Variants in IL16 observed in about 807,000 individuals in gnomAD.
IL16 encodes pro-interleukin-16.
IL16 carries 67 observed loss-of-function variants against 110.1 expected under a neutral mutation model. That is an observed-to-expected ratio of 0.61 (90% CI 0.50 to 0.75). The LOEUF (loss-of-function observed/expected upper bound fraction) is 0.75, where lower values mean the gene tolerates loss of function less well. Ranked by LOEUF, IL16 falls within the 30% of genes least tolerant of loss-of-function variation. IL16 has a pLI of 0.00. For missense variants in IL16, 1,545 were observed against 1,655.0 expected (o/e 0.93, Z 1.15); for synonymous variants, 689 against 662.9 (o/e 1.04, Z -0.61).
chr15:81,299,347 A>G, intron 13 of IL16, 33 bp from the exon 14 acceptor site: 1 of 1,606,762 alleles, frequency 6.2e-7, no homozygotes, highest in Non-Finnish European at 8.5e-7. Context: ...GTATGATGTA[A>G]TGCACAGCTT....
chr15:81,269,499 T>C, intron 4 of IL16, 39 bp from the exon 5 acceptor site: 1 of 1,390,700 alleles, frequency 7.2e-7, no homozygotes, highest in Non-Finnish European at 1.0e-6. Context: ...TGCTGTCCTA[T>C]GTGGCTAATC....
chr15:81,287,169 A>C (rs1226639631), intron 10 of IL16, among the ~76,000 whole-genome samples: 1 of 152,228 alleles, frequency 6.6e-6, no homozygotes, highest in Non-Finnish European at 1.5e-5. Context: ...GCTGCTGGGC[A>C]AGTGGCTCTG....
rs529723965 is a variant in IL16 at position 81,257,481 on chromosome 15, T to C, written c.313-2291T>C. On this transcript the variant is annotated intron_variant, in intron 2 of 18. Transcript: ENST00000683961. ...CACATTCTGGAACTCATGAGAACTT[T>C]CTGCACGACAAAGTGCAGGTGAGAT... Among the ~76,000 whole-genome samples, 29 of 152,318 alleles carry C rather than the reference T, an allele frequency of 1.9e-4. No individual in the cohort carries two copies. In the East Asian group the frequency reaches 4.6e-3, roughly 24 times the overall value.
At chr15:81,217,746 A>G (rs1896482108) in intron 1 of IL16, among the ~76,000 whole-genome samples, 1 of 152,232 alleles carries the variant, frequency 6.6e-6, no homozygotes, top group African/African-American at 2.4e-5. Context: ...GCATTAGTTT[A>G]TTTCTTCATT....
chr15:81,287,880 AAT>A (rs1214503753), intron 10 of IL16, among the ~76,000 whole-genome samples: 2 of 152,372 alleles, frequency 1.3e-5, no homozygotes, highest in East Asian at 3.9e-4. Context: ...AATTGGCCTA[AAT>A]CTCTGGACAA....
At position 81,279,624 on chromosome 15, in the gene IL16, A is replaced by G; in HGVS notation, c.931A>G (p.Ser311Gly). The change falls in exon 8 of 19, where the codon AGC becomes GGC. Residue 311 changes from serine (S) to glycine (G), a missense_variant. Physicochemically the swap from Ser to Gly is moderately conservative, Grantham distance 56 (BLOSUM62 0). Coordinates refer to ENST00000683961, the MANE Select transcript of IL16 (RefSeq NM_172217.5). ...TRLTAPPSLC[S>G]HLSPPLCRSL... ...CCTGACGGCGCCTCCTTCCCTGTGC[A>G]GCCACCTGTCTCCCCCACTGTGCCG... 1.2e-6 allele frequency: 2 copies of G among 1,614,198 alleles called. No homozygotes were observed. Among genetic ancestry groups the G allele is most frequent in the Non-Finnish European group, 1.7e-6 (2 of 1,180,040 alleles).
At chr15:81,200,558 A>T (rs1157067515) in intron 1 of IL16, among the ~76,000 whole-genome samples, 3 of 151,970 alleles carry the variant, frequency 2.0e-5, no homozygotes, top group African/African-American at 7.3e-5. Context: ...TTTATTAGAG[A>T]TGGGGTTTTG....
In IL16 at chr15:81,313,633, G is replaced by C. The variant is rs886793096; in HGVS notation, c.*4835G>C. 1 of 340,944 alleles carries C rather than the reference G, an allele frequency of 2.9e-6. No individual in the cohort carries two copies. Among genetic ancestry groups the C allele is most frequent in the Non-Finnish European group, 5.2e-6 (1 of 190,678 alleles). 21.1% of individuals were successfully genotyped at this position (340,944 alleles called of 1,614,324 possible). On this transcript the variant is annotated 3_prime_UTR_variant, in exon 19 of 19. Transcript: ENST00000683961. ...CACAGCCTCTCCCGGCCTCCAGGGA[G>C]GAAGAAGTCCCTACTCCCAGCCCAA...
chr15:81,291,709 G>C (rs1192023656), intron 11 of IL16, among the ~76,000 whole-genome samples: 1 of 152,162 alleles, frequency 6.6e-6, no homozygotes. Context: ...AGGGTAGGGG[G>C]TACTGAGAAC....
chr15:81,255,917 T>A (rs925684912), intron 2 of IL16, among the ~76,000 whole-genome samples: 1 of 152,252 alleles, frequency 6.6e-6, no homozygotes, highest in African/African-American at 2.4e-5. Flanking sequence ...AGGCTTTAAG[T>A]CTACCAATGT....
At chr15:81,198,422 G>A (rs1405203018) in intron 1 of IL16, among the ~76,000 whole-genome samples, 1 of 152,054 alleles carries the variant, frequency 6.6e-6, no homozygotes, top group Non-Finnish European at 1.5e-5. Flanking sequence ...TTTGTGGCAT[G>A]CCTCAATAAA....
Position 81,308,932 on chromosome 15 carries a change from C to T in IL16, c.*134C>T, listed in dbSNP as rs895954898. ...AGGTGGGCTTCCCAGTGGCTGCTGCCCAGGCCCAGACCTTCTAGGACGCCA... is the reference window on the plus strand; with the variant it reads ...AGGTGGGCTTCCCAGTGGCTGCTGCTCAGGCCCAGACCTTCTAGGACGCCA... On this transcript the variant is annotated 3_prime_UTR_variant, in exon 19 of 19. Transcript: ENST00000683961. 5.4e-6 allele frequency: 4 copies of T among 735,574 alleles called. No homozygotes were observed. The highest frequency in any genetic ancestry group is 8.7e-6 in the Non-Finnish European group (4 of 458,008). 45.6% of individuals were successfully genotyped at this position (735,574 alleles called of 1,614,324 possible). A position where few individuals can be genotyped will look rare whatever the true frequency, so the allele number is the denominator to read the frequency against.
At chr15:81,246,720 G>T (rs906291198) in intron 2 of IL16, among the ~76,000 whole-genome samples, 12 of 152,096 alleles carry the variant, frequency 7.9e-5, no homozygotes, top group African/African-American at 2.9e-4. Flanking sequence ...GTGAGGTGTG[G>T]TTTCTCATTA....
At chr15:81,277,687 G>A (rs542520487) in intron 6 of IL16, among the ~76,000 whole-genome samples, 27 of 152,228 alleles carry the variant, frequency 1.8e-4, no homozygotes, top group Admixed American at 4.6e-4. Flanking sequence ...AAAGCGCTGG[G>A]ATTAGAGGTG....
In IL16 at chr15:81,311,718, A is replaced by G. The variant is rs761240464; in HGVS notation, c.*2920A>G. On this transcript the variant is annotated 3_prime_UTR_variant, in exon 19 of 19. Coordinates refer to ENST00000683961, the MANE Select transcript of IL16 (RefSeq NM_172217.5). Reference sequence around the variant, plus strand: ...TTGGCTGAACTCATGAGAAGTTGATATAGAACAGTGCTTGCCACAGAGCGG... The same window carrying G: ...TTGGCTGAACTCATGAGAAGTTGATGTAGAACAGTGCTTGCCACAGAGCGG... 1 of 152,244 alleles carries G rather than the reference A, an allele frequency of 6.6e-6. No homozygotes were observed. Among genetic ancestry groups the G allele is most frequent in the Non-Finnish European group, 1.5e-5 (1 of 68,060 alleles). The allele number at this position is 152,244 out of a possible 1,614,324, so 9.4% of individuals were successfully genotyped here. A position where few individuals can be genotyped will look rare whatever the true frequency, so the allele number is the denominator to read the frequency against.
chr15:81,210,722 T>G (rs1257604028), intron 1 of IL16, among the ~76,000 whole-genome samples: 3 of 152,230 alleles, frequency 2.0e-5, no homozygotes, highest in Non-Finnish European at 2.9e-5. Flanking sequence ...TAAAGTTGTT[T>G]ATCAGTTCTA....
At chr15:81,211,245 T>C (rs1008820669) in intron 1 of IL16, among the ~76,000 whole-genome samples, 2 of 150,482 alleles carry the variant, frequency 1.3e-5, no homozygotes, top group African/African-American at 2.4e-5. Context: ...TGAATTCTTT[T>C]TTTCTTTCTT....
chr15:81,232,472 T>C (rs1018405988), intron 2 of IL16, among the ~76,000 whole-genome samples: 1 of 152,188 alleles, frequency 6.6e-6, no homozygotes, highest in African/African-American at 2.4e-5. Context: ...TTGTTGTAGT[T>C]TTTTTGTAGC....
chr15:81,299,957 G>A lies in IL16; in HGVS notation c.2631G>A (p.Lys877=). The A allele has an allele frequency of 1.2e-6, 2 of 1,610,072 alleles. No homozygotes were observed. The highest frequency in any genetic ancestry group is 1.7e-6 in the Non-Finnish European group (2 of 1,178,126). ...SSGEAAKPLG[K]HEEGRFSGLL... is the part of the protein sequence containing the mutation. ...GGGAGGCAGCAAAACCTCTTGGGAAGCATGAGGAAGGACGGTTTTCTGGAC... is the reference window on the plus strand; with the variant it reads ...GGGAGGCAGCAAAACCTCTTGGGAAACATGAGGAAGGACGGTTTTCTGGAC... The change falls in exon 14 of 19, where the codon AAG becomes AAA. Residue 877 remains lysine (K), a synonymous_variant. Coordinates refer to ENST00000683961, the MANE Select transcript of IL16 (RefSeq NM_172217.5).
Sources: gnomAD v4.1 joint callset for allele counts (sites outside exome capture counted in the v4.1 genomes callset) on GRCh38, gnomAD v4.1.1 for gene constraint, MANE v1.5 for transcripts, NCBI Gene and HGNC (gene_info 2026-07-23, HGNC 2026-07-21) for gene names.